The following DCC variants were observed in gnomAD, a reference collection of about 807,000 sequenced individuals.
DCC encodes the protein netrin receptor DCC.
DCC carries 58 observed loss-of-function variants against 172.5 expected under a neutral mutation model. The observed-to-expected ratio is 0.34, with a 90% CI of 0.27 to 0.42. The LOEUF is 0.42. Among genes scored for constraint, DCC ranks in the 10% least tolerant of loss-of-function variants. The pLI is 1.00. For synonymous variants in DCC, 709 were observed against 644.5 expected, an observed-to-expected ratio of 1.10 and a Z score of -1.52; for missense variants, 1,740 against 1,791.0, an observed-to-expected ratio of 0.97 and a Z score of 0.51.
intron 15 of DCC, among the ~76,000 whole-genome samples, chr18:53,362,783 G>A (rs747172892): frequency 6.6e-5 from 10 of 152,092 alleles, no homozygotes; most frequent in East Asian, 3.9e-4. Flanking sequence ...CCCTTCCACC[G>A]CCTTACAAAT....
At position 53,535,014 on chromosome 18, in the gene DCC, C is replaced by G. The variant is rs981928653; in HGVS notation, c.*4361C>G. On this transcript the variant is annotated 3_prime_UTR_variant, in exon 29 of 29. Coordinates refer to ENST00000442544, the MANE Select transcript of DCC (RefSeq NM_005215.4). ...ATTTAATAAACACAGGGGCATGGGCCAAGGGATCTCACTGTGTGCTGAACA... is the reference window on the plus strand; with the variant it reads ...ATTTAATAAACACAGGGGCATGGGCGAAGGGATCTCACTGTGTGCTGAACA... 5.3e-5 allele frequency: 8 copies of G among 152,094 alleles called. No individual in the cohort carries two copies. The highest frequency in any genetic ancestry group is 5.2e-4 in the Admixed American group (8 of 15,278). 9.4% of individuals were successfully genotyped at this position (152,094 alleles called of 1,614,324 possible). A position where few individuals can be genotyped will look rare whatever the true frequency, so the allele number is the denominator to read the frequency against.
intron 1 of DCC, among the ~76,000 whole-genome samples, chr18:52,567,332 T>A (rs1427990277): frequency 1.3e-5 from 2 of 152,100 alleles, no homozygotes; most frequent in African/African-American, 4.8e-5. Flanking sequence ...AGTCACATCA[T>A]CTTTAGCCAT....
chr18:52,805,883 T>C (rs1410323635), intron 2 of DCC, among the ~76,000 whole-genome samples: 1 of 152,254 alleles, frequency 6.6e-6, no homozygotes, highest in African/African-American at 2.4e-5. Context: ...TTGTGTTTAG[T>C]TGAAATATCC....
chr18:53,233,976 C>T (rs1250035986), intron 12 of DCC, among the ~76,000 whole-genome samples: 1 of 151,394 alleles, frequency 6.6e-6, no homozygotes, highest in Non-Finnish European at 1.5e-5. Context: ...TAGGACCAGG[C>T]GCAGTGGCTC....
chr18:53,092,896 A>G (rs9952089), intron 7 of DCC, among the ~76,000 whole-genome samples: 100,221 of 151,932 alleles, frequency 0.66, 34,153 homozygotes, highest in African/African-American at 0.8. Flanking sequence ...CAATCTAGGC[A>G]ATTTTAATGC....
chr18:52,896,659 A>C (rs2039735434), intron 2 of DCC, among the ~76,000 whole-genome samples: 1 of 152,220 alleles, frequency 6.6e-6, no homozygotes. Context: ...TGGAGGAAAT[A>C]AAGTTATTAA....
intron 7 of DCC, among the ~76,000 whole-genome samples, chr18:53,098,250 A>G (rs188522078): frequency 2.6e-5 from 4 of 152,252 alleles, no homozygotes; most frequent in African/African-American, 9.6e-5. Context: ...AGTTGCAAGA[A>G]TACTACAAAA....
chr18:53,282,564 T>C (rs1027707148), intron 12 of DCC, among the ~76,000 whole-genome samples: 2 of 152,138 alleles, frequency 1.3e-5, no homozygotes, highest in Non-Finnish European at 2.9e-5. Flanking sequence ...GAATTGAAAA[T>C]ATTTAATATC....
At chr18:52,721,472 A>G (rs530879649) in intron 1 of DCC, among the ~76,000 whole-genome samples, 1 of 152,342 alleles carries the variant, frequency 6.6e-6, no homozygotes, top group East Asian at 1.9e-4. Context: ...GACTTTATCA[A>G]CTAGGCACTG....
chr18:53,168,842 G>A (rs768480328), intron 8 of DCC, among the ~76,000 whole-genome samples: 5 of 152,076 alleles, frequency 3.3e-5, no homozygotes, highest in Non-Finnish European at 5.9e-5. Flanking sequence ...GGGCCACATC[G>A]TGAAGGTCTT....
chr18:53,083,380 G>A (rs1041938423), intron 7 of DCC, among the ~76,000 whole-genome samples: 4 of 152,156 alleles, frequency 2.6e-5, no homozygotes, highest in African/African-American at 9.7e-5. Flanking sequence ...TTAGCAACAT[G>A]AAAGAACACT....
chr18:52,932,558 A>T (rs1318735492), intron 5 of DCC, among the ~76,000 whole-genome samples: 1 of 152,120 alleles, frequency 6.6e-6, no homozygotes, highest in Non-Finnish European at 1.5e-5. Flanking sequence ...GAGAAAATAA[A>T]AATATCTTTG....
chr18:53,191,467 ATT>A (rs1464122528), intron 9 of DCC, among the ~76,000 whole-genome samples: 58 of 152,186 alleles, frequency 3.8e-4, no homozygotes, highest in African/African-American at 1.4e-3. Context: ...AAAATATTTA[ATT>A]TTGTAGTATT....
chr18:53,320,407 A>C (rs2057397607), intron 13 of DCC, among the ~76,000 whole-genome samples: 1 of 152,186 alleles, frequency 6.6e-6, no homozygotes, highest in Non-Finnish European at 1.5e-5. Flanking sequence ...ACTTTATTTT[A>C]AATAAGAGCA....
chr18:52,689,886 C>T (rs1398519265), intron 1 of DCC, among the ~76,000 whole-genome samples: 1 of 152,080 alleles, frequency 6.6e-6, no homozygotes, highest in Non-Finnish European at 1.5e-5. Flanking sequence ...CACATAAATG[C>T]TAGTGATTTG....
intron 27 of DCC, among the ~76,000 whole-genome samples, chr18:53,510,399 AAAAT>A (rs1161937358): frequency 6.6e-6 from 1 of 152,214 alleles, no homozygotes; most frequent in Non-Finnish European, 1.5e-5. Flanking sequence ...GGAGCTAATT[AAAAT>A]AAATGTTTAT....
intron 1 of DCC, among the ~76,000 whole-genome samples, chr18:52,505,279 A>G (rs904577466): frequency 1.3e-5 from 2 of 152,180 alleles, no homozygotes; most frequent in Non-Finnish European, 2.9e-5. Context: ...ATATTCATGT[A>G]TAATTTTATT....
intron 2 of DCC, among the ~76,000 whole-genome samples, chr18:52,896,613 C>T (rs1010733311): frequency 1.3e-5 from 2 of 152,118 alleles, no homozygotes; most frequent in Non-Finnish European, 2.9e-5. Flanking sequence ...ATTATTTAAC[C>T]TTGTGCTCAG....
At chr18:53,402,437 T>C (rs1599110148) in intron 18 of DCC, among the ~76,000 whole-genome samples, 1 of 151,668 alleles carries the variant, frequency 6.6e-6, no homozygotes, top group Admixed American at 6.6e-5. Flanking sequence ...GAAAAAGATA[T>C]GTAATCATCA....
Sources: allele counts gnomAD v4.1 joint callset (sites outside exome capture counted in the v4.1 genomes callset), GRCh38; gene constraint gnomAD v4.1.1; transcripts MANE v1.5; gene names NCBI Gene and HGNC (gene_info 2026-07-23, HGNC 2026-07-21).